Variants in MLC1 observed in about 807,000 individuals in gnomAD.
MLC1 encodes the protein modulator of VRAC current 1.
MLC1 carries 32 observed loss-of-function variants against 44.7 expected under a neutral mutation model. The ratio of observed to expected loss-of-function variants is 0.72; its 90% CI spans 0.54 to 0.96. MLC1 has a LOEUF of 0.96. MLC1 is among the 40% of genes least tolerant of loss of function. MLC1 has a pLI of 0.00. For missense variants in MLC1, 459 were observed against 492.2 expected, an observed-to-expected ratio of 0.93 and a Z score of 0.64; for synonymous variants, 190 against 213.0, an observed-to-expected ratio of 0.89 and a Z score of 0.94.
At chr22:50,070,406 C>A (rs1010034729) in intron 9 of MLC1, 121 bp downstream of exon 9, 1 of 989,690 alleles carries the variant, frequency 1.0e-6, no homozygotes, top group Non-Finnish European at 1.6e-6. Flanking sequence ...GCAGGCCCTG[C>A]AGCCCAGTCA....
Position 50,080,348 on chromosome 22 carries a change from T to C in MLC1, c.317A>G (p.Asn106Ser), listed in dbSNP as rs372549729. 6.2e-6 allele frequency: 10 copies of C among 1,607,308 alleles called. No individual in the cohort carries two copies. The highest frequency in any genetic ancestry group is 3.4e-5 in the South Asian group (3 of 89,492). The change falls in exon 4 of 12, where the codon AAT becomes AGT. Residue 106 changes from asparagine to serine, a missense_variant. Physicochemically the swap from Asn to Ser is conservative, Grantham distance 46 (BLOSUM62 1). Coordinates refer to ENST00000311597, the MANE Select transcript of MLC1 (RefSeq NM_015166.4). Reference protein sequence around the residue: ...VSFTVSRRNANVIPNFQILFV... With the variant: ...VSFTVSRRNASVIPNFQILFV... The stretch of plus-strand genomic sequence containing the variant: ...CTGCCTGCAAGCTAGACTCACCACA[T>C]TGGCGTTCCTCCTGGAGACGGTGAA...
At chr22:50,075,718 GAA>G (rs368879290) in intron 7 of MLC1, among the ~76,000 whole-genome samples, 1 of 141,598 alleles carries the variant, frequency 7.1e-6, no homozygotes, top group Non-Finnish European at 1.5e-5. Context: ...AAAAAAAAAG[GAA>G]AAAAAAAAAA....
chr22:50,080,014 G>A lies in MLC1; in HGVS notation c.327C>T (p.Pro109=). The A allele has an allele frequency of 6.2e-7, 1 of 1,613,058 alleles. No individual in the cohort carries two copies. The highest frequency in any genetic ancestry group is 8.5e-7 in the Non-Finnish European group (1 of 1,179,012). ...TGGAAACAAACAATATCTGAAAGTT[G>A]GGAATCTGAAAAACAAGGCAGGAGG... ...TVSRRNANVI[P]NFQILFVSTF... is the part of the protein sequence containing the mutation. The change falls in exon 5 of 12, where the codon CCC becomes CCT. Residue 109 remains proline, a synonymous_variant. Transcript: ENST00000311597.
chr22:50,078,327 G>A (rs915222693), intron 5 of MLC1, among the ~76,000 whole-genome samples: 4 of 152,110 alleles, frequency 2.6e-5, no homozygotes, highest in African/African-American at 9.7e-5. Context: ...AAGAAAGAGT[G>A]CAGAACCACA....
intron 3 of MLC1, among the ~76,000 whole-genome samples, chr22:50,080,765 T>C (rs750189024): frequency 2.0e-5 from 3 of 152,294 alleles, no homozygotes; most frequent in Admixed American, 6.5e-5. Context: ...TAAAAAGATA[T>C]TTGTTAATGA....
chr22:50,064,634 G>T (rs181700711), intron 10 of MLC1, among the ~76,000 whole-genome samples: 1,925 of 118,044 alleles, frequency 0.016, 34 homozygotes, highest in South Asian at 0.064. Flanking sequence ...GGGATGGGGT[G>T]CACAGACCCC....
intron 10 of MLC1, among the ~76,000 whole-genome samples, chr22:50,067,830 C>G (rs1156910378): frequency 2.1e-5 from 3 of 145,098 alleles, no homozygotes; most frequent in Non-Finnish European, 3.0e-5. Flanking sequence ...CCCCATCAGA[C>G]AGTGACTCCA....
chr22:50,085,022 A>C, intron 1 of MLC1, 61 bp from the exon 2 acceptor site: 2 of 1,518,324 alleles, frequency 1.3e-6, no homozygotes, highest in South Asian at 2.4e-5. Flanking sequence ...GTTGTTTCCA[A>C]GAAATATTTT....
rs1263394766 is a variant in MLC1 at position 50,074,087 on chromosome 22, G to A, written c.714+129C>T. The A allele has an allele frequency of 5.4e-6, 4 of 740,728 alleles. No homozygotes were observed. The African/African-American group carries it at 6.9e-5, about 13-fold the overall frequency. 45.9% of individuals were successfully genotyped at this position (740,728 alleles called of 1,614,324 possible). On this transcript the variant is annotated intron_variant, in intron 8 of 11. Coordinates refer to ENST00000311597, the MANE Select transcript of MLC1 (RefSeq NM_015166.4). ...TAACTCCCCAGTTCTTCTGAAGTTG[G>A]GGGCCAGCGAGGACCCTCTGTGGTG...
At chr22:50,081,757 C>T (rs1280592594) in intron 3 of MLC1, among the ~76,000 whole-genome samples, 1 of 152,334 alleles carries the variant, frequency 6.6e-6, no homozygotes, top group East Asian at 1.9e-4. Context: ...TCAGGTGCCA[C>T]GAGGGCCCAG....
At position 50,083,186 on chromosome 22, in the gene MLC1, G is replaced by T; in HGVS notation, c.178-13C>A. On this transcript the variant is annotated splice_polypyrimidine_tract_variant and intron_variant, in intron 2 of 11. Coordinates refer to ENST00000311597, the MANE Select transcript of MLC1 (RefSeq NM_015166.4). This position sits in a 1 kb window ranked among gnomAD's most constrained non-coding sequence, Gnocchi z 4.6. Reference sequence around the variant, plus strand: ...CCAGGAGGCAGCTCTGCAAGACAGCGACAGAATCCCAGGTTACAACGCGCC... The same window carrying T: ...CCAGGAGGCAGCTCTGCAAGACAGCTACAGAATCCCAGGTTACAACGCGCC... The T allele has an allele frequency of 6.2e-7, 1 of 1,611,970 alleles. No individual in the cohort carries two copies. Among genetic ancestry groups the T allele is most frequent in the East Asian group, 2.2e-5 (1 of 44,872 alleles).
At chr22:50,071,427 G>C (rs1482575711) in intron 8 of MLC1, among the ~76,000 whole-genome samples, 3 of 152,176 alleles carry the variant, frequency 2.0e-5, no homozygotes, top group African/African-American at 4.8e-5. Context: ...TTGTTTGTTT[G>C]CTCCTGATCC....
rs749623663 is a variant in MLC1 at position 50,074,317 on chromosome 22, C to A, written c.613G>T (p.Ala205Ser). 4 of 1,614,004 alleles carry A rather than the reference C, an allele frequency of 2.5e-6. No individual in the cohort carries two copies. Among genetic ancestry groups the A allele is most frequent in the Admixed American group, 3.3e-5 (2 of 60,016 alleles). Reference protein sequence around the residue: ...LKSYSVVEVIAGISAVLGGII... With the variant: ...LKSYSVVEVISGISAVLGGII... ...CCCCCGAGGACGGCAGAGATGCCTGCGATTACCTCGACGACCTGGAGGGGA... is the reference window on the plus strand; with the variant it reads ...CCCCCGAGGACGGCAGAGATGCCTGAGATTACCTCGACGACCTGGAGGGGA... Residue 205 changes from alanine to serine, a missense_variant, in exon 8 of 12, where the codon GCA (alanine) becomes TCA (serine). Transcript: ENST00000311597.
intron 9 of MLC1, among the ~76,000 whole-genome samples, chr22:50,069,305 C>A (rs1350016197): frequency 6.6e-6 from 1 of 152,010 alleles, no homozygotes; most frequent in Non-Finnish European, 1.5e-5. Context: ...AGATTACAGG[C>A]ATGAGCAGCC....
intron 8 of MLC1, among the ~76,000 whole-genome samples, chr22:50,071,989 T>C (rs945050512): frequency 3.9e-5 from 6 of 152,112 alleles, no homozygotes; most frequent in Non-Finnish European, 8.8e-5. Context: ...GGGCTGCCAG[T>C]GCAAAGGCCC....
At chr22:50,082,307 G>C (rs2062165969) in intron 3 of MLC1, among the ~76,000 whole-genome samples, 1 of 152,246 alleles carries the variant, frequency 6.6e-6, no homozygotes, top group South Asian at 2.1e-4. Flanking sequence ...AGCCAGCATG[G>C]TGCTCTAGCT....
intron 8 of MLC1, among the ~76,000 whole-genome samples, chr22:50,071,281 G>A (rs1208508002): frequency 1.4e-4 from 21 of 152,036 alleles, no homozygotes; most frequent in Admixed American, 1.3e-3. Context: ...TAGTAGAGAC[G>A]GGGTTTCGCC....
chr22:50,067,116 A>C (rs574865220), intron 10 of MLC1, among the ~76,000 whole-genome samples: 1 of 152,306 alleles, frequency 6.6e-6, no homozygotes, highest in East Asian at 1.9e-4. Context: ...AACATGAAGT[A>C]GGAGATATAT....
chr22:50,073,086 C>T (rs568894918), intron 8 of MLC1, among the ~76,000 whole-genome samples: 225 of 151,328 alleles, frequency 1.5e-3, no homozygotes, highest in African/African-American at 4.9e-3. Flanking sequence ...GCAGTCCACC[C>T]GGCCATACCA....
Sources: gnomAD v4.1 joint callset for allele counts (sites outside exome capture counted in the v4.1 genomes callset) on GRCh38, gnomAD v4.1.1 for gene constraint, Gnocchi (gnomAD v3.1) non-coding constraint, MANE v1.5 for transcripts, NCBI Gene and HGNC (gene_info 2026-07-23, HGNC 2026-07-21) for gene names.